Variants in CSMD1 observed in about 807,000 individuals in gnomAD.
The protein encoded by CSMD1 is CUB and sushi domain-containing protein 1.
Under a neutral mutation model 417.5 loss-of-function variants are expected in CSMD1, and 213 were observed. The ratio of observed to expected loss-of-function variants is 0.51; its 90% confidence interval spans 0.46 to 0.57. CSMD1 has a LOEUF of 0.57. CSMD1 is among the 20% of genes least tolerant of loss of function. The pLI is 0.00. For synonymous variants in CSMD1, 2,862 were observed against 1,736.8 expected (o/e 1.65, Z -16.11); for missense variants, 6,923 against 4,529.7 (o/e 1.53, Z -15.17).
At chr8:3,939,477 A>G (rs1430115547) in intron 5 of CSMD1, among the ~76,000 whole-genome samples, 1 of 152,198 alleles carries the variant, frequency 6.6e-6, no homozygotes. Context: ...CTAAAAGTAG[A>G]ACTACCATGT....
intron 3 of CSMD1, among the ~76,000 whole-genome samples, chr8:4,064,251 C>T (rs989652051): frequency 3.3e-5 from 5 of 152,192 alleles, no homozygotes; most frequent in Non-Finnish European, 5.9e-5. Context: ...GATGGAAATA[C>T]TTGACGTCAG....
At chr8:4,667,032 T>C (rs901040576) in intron 1 of CSMD1, among the ~76,000 whole-genome samples, 1 of 152,206 alleles carries the variant, frequency 6.6e-6, no homozygotes, top group African/African-American at 2.4e-5. Context: ...TTGTGTATAA[T>C]GTGAGATATA....
At chr8:4,709,322 C>T (rs910656400) in intron 1 of CSMD1, among the ~76,000 whole-genome samples, 2 of 152,164 alleles carry the variant, frequency 1.3e-5, no homozygotes, top group Admixed American at 1.3e-4. Flanking sequence ...AGGTTGATAC[C>T]TGAGGCCTCT....
At chr8:3,701,629 T>G (rs953603793) in intron 7 of CSMD1, among the ~76,000 whole-genome samples, 4 of 152,152 alleles carry the variant, frequency 2.6e-5, no homozygotes, top group African/African-American at 9.7e-5. Flanking sequence ...ATATTATAAT[T>G]ATAAGTAGAT....
At chr8:3,937,210 CAA>C (rs1261976171) in intron 5 of CSMD1, among the ~76,000 whole-genome samples, 2 of 152,122 alleles carry the variant, frequency 1.3e-5, no homozygotes, top group Admixed American at 6.6e-5. Flanking sequence ...GAAATGACAA[CAA>C]AAGATTGTGA....
At chr8:3,616,327 C>A (rs1435910334) in intron 8 of CSMD1, among the ~76,000 whole-genome samples, 1 of 152,038 alleles carries the variant, frequency 6.6e-6, no homozygotes, top group Admixed American at 6.6e-5. Flanking sequence ...GGATTTTCCT[C>A]CACTTCGCTC....
intron 3 of CSMD1, among the ~76,000 whole-genome samples, chr8:4,134,765 C>G (rs545369115): frequency 6.6e-6 from 1 of 152,206 alleles, no homozygotes; most frequent in Non-Finnish European, 1.5e-5. Context: ...TATACCCCTT[C>G]TGAGCCATTC....
chr8:4,917,953 A>C (rs1806182619), intron 1 of CSMD1, among the ~76,000 whole-genome samples: 2 of 152,202 alleles, frequency 1.3e-5, no homozygotes, highest in African/African-American at 4.8e-5. Context: ...AAAATATGCT[A>C]AGGTCTATTT....
At chr8:3,926,714 C>CTTTTTT (rs56721822) in intron 5 of CSMD1, among the ~76,000 whole-genome samples, 29 of 103,498 alleles carry the variant, frequency 2.8e-4, no homozygotes, top group Non-Finnish European at 3.6e-4. Context: ...AAATTGACAC[C>CTTTTTT]TTTTTTTTTT....
intron 3 of CSMD1, among the ~76,000 whole-genome samples, chr8:4,283,171 TC>T (rs1283348333): frequency 9.9e-5 from 15 of 152,280 alleles, no homozygotes; most frequent in Non-Finnish European, 1.8e-4. Flanking sequence ...ACGTTGAGAG[TC>T]TTTTTTACAA....
chr8:3,230,106 C>G lies in CSMD1; in HGVS notation c.4279G>C (p.Ala1427Pro), dbSNP rs1399181068. 1 of 1,613,516 alleles carries G rather than the reference C, an allele frequency of 6.2e-7. No individual in the cohort carries two copies. The highest frequency in any genetic ancestry group is 1.7e-5 in the Admixed American group (1 of 59,916). The change falls in exon 27 of 70, where the codon GCC (alanine) becomes CCC (proline). Residue 1427 changes from alanine to proline, a missense_variant. Ala to Pro is a conservative substitution (Grantham distance 27). Coordinates refer to ENST00000635120, the MANE Select transcript of CSMD1 (RefSeq NM_033225.6). ...CDPGYQLQGQ[A>P]KITCVQLNNR... is the part of the protein sequence containing the mutation. ...TTCAGCTGCACACAGGTGATTTTGGCTTGTCCTTGGAGCTGATAGCCAGGG... is the reference window on the plus strand; with the variant it reads ...TTCAGCTGCACACAGGTGATTTTGGGTTGTCCTTGGAGCTGATAGCCAGGG...
At chr8:4,166,256 T>C (rs1272170561) in intron 3 of CSMD1, among the ~76,000 whole-genome samples, 1 of 152,178 alleles carries the variant, frequency 6.6e-6, no homozygotes, top group Non-Finnish European at 1.5e-5. Flanking sequence ...TCAATATGCA[T>C]TTGATATAAA....
At chr8:3,408,344 C>A (rs2116907180) in intron 13 of CSMD1, 119 bp from the exon 14 acceptor site, 1 of 683,344 alleles carries the variant, frequency 1.5e-6, no homozygotes, top group Non-Finnish European at 2.4e-6. Flanking sequence ...TATGATGATC[C>A]AACTATTTTA....
chr8:4,746,651 C>T (rs913010078), intron 1 of CSMD1, among the ~76,000 whole-genome samples: 5 of 152,172 alleles, frequency 3.3e-5, no homozygotes, highest in Non-Finnish European at 7.3e-5. Context: ...ACCTGGGCAG[C>T]ACAAACTATG....
chr8:4,910,656 T>A (rs1043988887), intron 1 of CSMD1, among the ~76,000 whole-genome samples: 2 of 152,222 alleles, frequency 1.3e-5, no homozygotes, highest in East Asian at 3.8e-4. Flanking sequence ...GATTTTAACA[T>A]ATTAATTTTG....
intron 7 of CSMD1, among the ~76,000 whole-genome samples, chr8:3,619,437 A>C (rs1246157530): frequency 6.6e-6 from 1 of 152,068 alleles, no homozygotes; most frequent in Non-Finnish European, 1.5e-5. Context: ...ATGGCCATTC[A>C]AAGGGTCGAA....
chr8:4,606,815 C>A (rs1800894474), intron 2 of CSMD1, among the ~76,000 whole-genome samples: 1 of 152,088 alleles, frequency 6.6e-6, no homozygotes, highest in African/African-American at 2.4e-5. Context: ...AAATAGAAAA[C>A]TAATTTTATA....
At chr8:4,208,923 A>C (rs978520503) in intron 3 of CSMD1, among the ~76,000 whole-genome samples, 1 of 152,184 alleles carries the variant, frequency 6.6e-6, no homozygotes, top group Non-Finnish European at 1.5e-5. Flanking sequence ...CCCTGTAGAC[A>C]TAACAGATAA....
chr8:4,015,943 C>G (rs777713908), intron 4 of CSMD1, among the ~76,000 whole-genome samples: 1 of 152,144 alleles, frequency 6.6e-6, no homozygotes, highest in Admixed American at 6.5e-5. Context: ...TCTTCAACTG[C>G]CCCCAAGAAG....
Sources: gnomAD v4.1 joint callset for allele counts (sites outside exome capture counted in the v4.1 genomes callset) on GRCh38, gnomAD v4.1.1 for gene constraint, MANE v1.5 for transcripts, NCBI Gene and HGNC (gene_info 2026-07-23, HGNC 2026-07-21) for gene names.